Variants in UNC13A observed in about 807,000 individuals in gnomAD.
The protein encoded by UNC13A is protein unc-13 homolog A.
UNC13A carries 61 observed loss-of-function variants against 219.7 expected under a neutral mutation model. The ratio of observed to expected loss-of-function variants is 0.28; its 90% CI spans 0.23 to 0.34. UNC13A has a LOEUF of 0.34. Among genes scored for constraint, UNC13A ranks in the 10% least tolerant of loss-of-function variants. The probability of loss-of-function intolerance (pLI) is 1.00; values close to 1 mark genes in which losing one functional copy is unlikely to be tolerated. For synonymous variants in UNC13A, 920 were observed against 884.6 expected, an observed-to-expected ratio of 1.04 and a Z score of -0.71; for missense variants, 1,476 against 2,270.3, an observed-to-expected ratio of 0.65 and a Z score of 7.11.
intron 3 of UNC13A, among the ~76,000 whole-genome samples, chr19:17,673,816 G>A (rs1246845562): frequency 6.6e-6 from 1 of 152,052 alleles, no homozygotes; most frequent in Non-Finnish European, 1.5e-5. Context: ...TTTGAGACTA[G>A]CCTGGCCACC....
rs565163037 is a variant in UNC13A, at chr19:17,636,751, T to C, written c.3082-594A>G. ...ATACGCAGGGCAATTCAACCCACCT[T>C]TGTTAATCAATGGAAATGAATATAA... On this transcript the variant is annotated intron_variant, in intron 25 of 43. Transcript: ENST00000519716. Among the ~76,000 whole-genome samples the C allele has an allele frequency of 2.6e-5, 4 of 152,314 alleles. No homozygotes were observed. In the East Asian group the frequency reaches 7.7e-4, roughly 29 times the overall value.
chr19:17,619,860 G>A (rs1243909266), intron 38 of UNC13A, among the ~76,000 whole-genome samples: 1 of 152,198 alleles, frequency 6.6e-6, no homozygotes, highest in African/African-American at 2.4e-5. Flanking sequence ...AGATGGGCCT[G>A]GGTTCAAATT....
intron 6 of UNC13A, among the ~76,000 whole-genome samples, chr19:17,667,526 T>C (rs1171898948): frequency 1.3e-5 from 2 of 151,990 alleles, no homozygotes; most frequent in Non-Finnish European, 2.9e-5. Flanking sequence ...CAGGCTGGAG[T>C]GCAGCAGCGT....
rs538716941 is a variant in UNC13A, at chr19:17,618,755, T to A, written c.4329+151A>T. 2.2e-4 allele frequency: 172 copies of A among 794,412 alleles called. No individual in the cohort carries two copies. The South Asian group carries it at 2.6e-3, about 12-fold the overall frequency. The allele number at this position is 794,412 out of a possible 1,614,324, so 49.2% of individuals were successfully genotyped here. On this transcript the variant is annotated intron_variant, in intron 39 of 43. Coordinates refer to ENST00000519716, the MANE Select transcript of UNC13A (RefSeq NM_001080421.3). ...TCTTTCTGACACACTGGGGAGCAAA[T>A]ATCTTGTGCTTCAGTGAGTAGAGTT...
At chr19:17,611,953 C>T in intron 41 of UNC13A, 98 bp from the exon 42 acceptor site, 1 of 1,041,932 alleles carries the variant, frequency 9.6e-7, no homozygotes. Flanking sequence ...GCTGGCGGCA[C>T]CAGGTCATCA....
intron 16 of UNC13A, among the ~76,000 whole-genome samples, chr19:17,647,754 G>A (rs1444216298): frequency 1.3e-5 from 2 of 150,228 alleles, no homozygotes; most frequent in African/African-American, 4.9e-5. Flanking sequence ...CTGGTTTTTG[G>A]AGCCCCACCC....
At chr19:17,622,853 G>C (rs573836703) in intron 36 of UNC13A, 36 of 152,424 alleles carry the variant, frequency 2.4e-4, no homozygotes, top group African/African-American at 8.4e-4. Flanking sequence ...CCATTTTCCA[G>C]ACAAGGAAAC....
chr19:17,652,813 G>C, intron 11 of UNC13A, 136 bp from the exon 12 acceptor site: 1 of 911,620 alleles, frequency 1.1e-6, no homozygotes, highest in Non-Finnish European at 1.7e-6. Flanking sequence ...AGTGATTTTA[G>C]GAAGCTCCGT....
intron 35 of UNC13A, among the ~76,000 whole-genome samples, chr19:17,624,453 T>G (rs997321288): frequency 6.6e-6 from 1 of 152,136 alleles, no homozygotes; most frequent in South Asian, 2.1e-4. Flanking sequence ...AAGGATAACC[T>G]TGATCCCAAA....
At chr19:17,607,261 T>A (rs1568495139) in intron 43 of UNC13A, among the ~76,000 whole-genome samples, 1 of 152,060 alleles carries the variant, frequency 6.6e-6, no homozygotes, top group Non-Finnish European at 1.5e-5. Context: ...TTATTTATTT[T>A]TATTTATTTT....
chr19:17,630,040 A>AC, intron 30 of UNC13A, 105 bp downstream of exon 30: 1 of 1,295,342 alleles, frequency 7.7e-7, no homozygotes, highest in Non-Finnish European at 1.1e-6. Context: ...CAATGACATC[A>AC]CCAACTCCAA....
chr19:17,655,549 C>T (rs547015268), intron 10 of UNC13A, among the ~76,000 whole-genome samples, 167 bp from the exon 11 acceptor site: 1 of 152,280 alleles, frequency 6.6e-6, no homozygotes, highest in African/African-American at 2.4e-5. Flanking sequence ...GCCCCTCACC[C>T]CTTCCCACAC....
At chr19:17,678,198 GC>G (rs1433536977) in intron 1 of UNC13A, among the ~76,000 whole-genome samples, 2 of 152,164 alleles carry the variant, frequency 1.3e-5, no homozygotes, top group Non-Finnish European at 2.9e-5. Context: ...ACTGTTCCTG[GC>G]CAGGCGCGGT....
At chr19:17,670,281 C>T (rs1206041512) in intron 4 of UNC13A, among the ~76,000 whole-genome samples, 1 of 151,228 alleles carries the variant, frequency 6.6e-6, no homozygotes, top group Non-Finnish European at 1.5e-5. Flanking sequence ...CTCTCTATCA[C>T]CCAGGCTGGA....
chr19:17,677,662 G>A (rs535834791), intron 1 of UNC13A, among the ~76,000 whole-genome samples: 5 of 152,082 alleles, frequency 3.3e-5, no homozygotes, highest in South Asian at 2.1e-4. Flanking sequence ...CTGCCACACC[G>A]GCCCCTTTTC....
At position 17,655,922 on chromosome 19, in the gene UNC13A, T is replaced by C; in HGVS notation, c.1244A>G (p.Glu415Gly). 1 of 1,536,020 alleles carries C rather than the reference T, an allele frequency of 6.5e-7. No individual in the cohort carries two copies. The highest frequency in any genetic ancestry group is 1.3e-5 in the South Asian group (1 of 77,970). Reference protein sequence around the residue: ...PATPDKVPAAEQIPEAEPPKD... With the variant: ...PATPDKVPAAGQIPEAEPPKD... ...GGGTGGCTCAGCCTCAGGGATCTGCTCAGCTGCAGGCACCTTGTCGGGCGT... is the reference window on the plus strand; with the variant it reads ...GGGTGGCTCAGCCTCAGGGATCTGCCCAGCTGCAGGCACCTTGTCGGGCGT... The change falls in exon 10 of 44, where the codon GAG (glutamate) becomes GGG (glycine). Residue 415 changes from glutamate to glycine, a missense_variant. Physicochemically the swap from Glu to Gly is moderately conservative, Grantham distance 98. Transcript: ENST00000519716.
At chr19:17,618,780 TTC>T in intron 39 of UNC13A, 124 bp downstream of exon 39, 1 of 936,856 alleles carries the variant, frequency 1.1e-6, no homozygotes, top group Non-Finnish European at 1.7e-6. Context: ...TGAGTAGAGT[TTC>T]TGTCCTTTGA....
rs369559654 is a variant in UNC13A, at chr19:17,679,735, AT to A, written c.23-3695del. ...CTCTCATCTCCCTCCTCCCCGTTCT[AT>A]TTCTCTCCACTCTGGTCGTCTTCTT... On this transcript the variant is annotated intron_variant, in intron 1 of 43. Transcript: ENST00000519716. Among the ~76,000 whole-genome samples, 17 of 150,996 alleles carry A rather than the reference AT, an allele frequency of 1.1e-4. 1 individual carries two copies. The East Asian group carries it at 2.2e-3, about 19-fold the overall frequency.
rs149177037 is a variant in UNC13A at position 17,670,432 on chromosome 19, G to A, written c.271-756C>T. Among the ~76,000 whole-genome samples, 1,173 of 151,412 alleles carry A rather than the reference G, an allele frequency of 7.7e-3. 12 individuals carry two copies. Among genetic ancestry groups the A allele is most frequent in the African/African-American group, 0.023 (959 of 41,224 alleles). Reference sequence around the variant, plus strand: ...ATTTTTTGTATTTTTGAGTAGAGACGGGGTTTCACCATGTTGCCCAGGCTG... The same window carrying A: ...ATTTTTTGTATTTTTGAGTAGAGACAGGGTTTCACCATGTTGCCCAGGCTG... On this transcript the variant is annotated intron_variant, in intron 4 of 43. Coordinates refer to ENST00000519716, the MANE Select transcript of UNC13A (RefSeq NM_001080421.3).
Sources: gnomAD v4.1 joint callset for allele counts (sites outside exome capture counted in the v4.1 genomes callset) on GRCh38, gnomAD v4.1.1 for gene constraint, MANE v1.5 for transcripts, NCBI Gene and HGNC (gene_info 2026-07-23, HGNC 2026-07-21) for gene names.